The following SCEL variants were observed in gnomAD, a reference collection of about 807,000 sequenced individuals.
SCEL encodes sciellin.
SCEL carries 113 observed loss-of-function variants against 117.6 expected under a neutral mutation model. The ratio of observed to expected loss-of-function variants is 0.96; its 90% confidence interval spans 0.83 to 1.12. SCEL has a LOEUF of 1.12. SCEL is among the 50% of genes most tolerant of loss of function. The pLI is 0.00. For missense variants in SCEL, 785 were observed against 810.8 expected, an observed-to-expected ratio of 0.97 and a Z score of 0.39; for synonymous variants, 270 against 256.2, an observed-to-expected ratio of 1.05 and a Z score of -0.51.
At chr13:77,591,292 A>G (rs2086852184) in intron 10 of SCEL, 103 bp from the exon 11 acceptor site, 1 of 771,570 alleles carries the variant, frequency 1.3e-6, no homozygotes, top group Admixed American at 2.4e-5. Flanking sequence ...TGGTTCCAAC[A>G]AACACTGATC....
At chr13:77,624,204 C>G (rs2089597329) in intron 27 of SCEL, among the ~76,000 whole-genome samples, 1 of 149,446 alleles carries the variant, frequency 6.7e-6, no homozygotes, top group African/African-American at 2.5e-5. Flanking sequence ...TCCCCCAGTT[C>G]ACACAATTCT....
chr13:77,588,899 T>C (rs949562196), intron 9 of SCEL, among the ~76,000 whole-genome samples: 2 of 152,238 alleles, frequency 1.3e-5, no homozygotes, highest in African/African-American at 4.8e-5. Flanking sequence ...TAGTCCAAAC[T>C]ATAGTGAAAG....
intron 1 of SCEL, among the ~76,000 whole-genome samples, chr13:77,553,633 C>T (rs1414231319): frequency 6.6e-6 from 1 of 152,118 alleles, no homozygotes; most frequent in South Asian, 2.1e-4. Flanking sequence ...CCTGACACTC[C>T]CGGTGTGCTC....
chr13:77,571,011 T>C (rs1658076863), intron 8 of SCEL, among the ~76,000 whole-genome samples: 2 of 151,614 alleles, frequency 1.3e-5, no homozygotes, highest in African/African-American at 4.8e-5. Context: ...TTTGTATTTT[T>C]AGTAGAGATG....
intron 1 of SCEL, among the ~76,000 whole-genome samples, chr13:77,555,387 T>C (rs2084595519): frequency 6.6e-6 from 1 of 152,206 alleles, no homozygotes; most frequent in African/African-American, 2.4e-5. Context: ...GTTTCCTGAG[T>C]TTGCTTTGGC....
rs192965963 is a variant in SCEL at position 77,596,144 on chromosome 13, C to A, written c.753-1401C>A. Among the ~76,000 whole-genome samples the A allele has an allele frequency of 5.0e-3, 759 of 152,210 alleles. 5 individuals carry two copies. Among genetic ancestry groups the A allele is most frequent in the African/African-American group, 0.016 (674 of 41,524 alleles). On this transcript the variant is annotated intron_variant, in intron 12 of 32. Transcript: ENST00000349847. ...GGTAAGGAGTTCAAGACCAGCTTGGCAAACATGGTGAAACCCCATCTCTAC... is the reference window on the plus strand; with the variant it reads ...GGTAAGGAGTTCAAGACCAGCTTGGAAAACATGGTGAAACCCCATCTCTAC...
intron 9 of SCEL, among the ~76,000 whole-genome samples, chr13:77,584,051 C>A (rs2086415927): frequency 6.6e-6 from 1 of 152,162 alleles, no homozygotes; most frequent in African/African-American, 2.4e-5. Context: ...TCCTGCAGGA[C>A]CCTTGAGGGG....
intron 15 of SCEL, 79 bp downstream of exon 15, chr13:77,599,827 T>TA: frequency 1.0e-6 from 1 of 997,722 alleles, no homozygotes; most frequent in Non-Finnish European, 1.6e-6. Flanking sequence ...TCCTGCTTAG[T>TA]ACAAGGGTCA....
At chr13:77,604,804 G>C (rs2088006767) in intron 19 of SCEL, among the ~76,000 whole-genome samples, 1 of 152,122 alleles carries the variant, frequency 6.6e-6, no homozygotes, top group Non-Finnish European at 1.5e-5. Flanking sequence ...GATGTAAGTA[G>C]TGTATGTGAG....
chr13:77,642,707 G>T lies in SCEL; in HGVS notation c.1949G>T (p.Cys650Phe), dbSNP rs763826526. The change falls in exon 32 of 33, where the codon TGT becomes TTT. Residue 650 changes from cysteine to phenylalanine, a missense_variant and splice_region_variant. Transcript: ENST00000349847. ...TTATATATGTATTTTTTTCTTTAGTGTGAAATATGCAAGCAGCCTTTGGAA... is the reference window on the plus strand; with the variant it reads ...TTATATATGTATTTTTTTCTTTAGTTTGAAATATGCAAGCAGCCTTTGGAA... The part of the protein sequence containing the change: ...QICCHSTCFK[C>F]EICKQPLENL... 4.7e-5 allele frequency: 74 copies of T among 1,559,456 alleles called. No individual in the cohort carries two copies. Among genetic ancestry groups the T allele is most frequent in the Non-Finnish European group, 6.1e-5 (70 of 1,141,888 alleles).
chr13:77,547,420 C>G (rs1358123015), intron 1 of SCEL, among the ~76,000 whole-genome samples: 5 of 152,074 alleles, frequency 3.3e-5, no homozygotes, highest in African/African-American at 1.2e-4. Flanking sequence ...CAGTAATTTA[C>G]TGGTTGACAA....
rs2088352098 is a variant in SCEL, at chr13:77,608,068, T to G, written c.1170T>G (p.Leu390=). Residue 390 remains leucine, a synonymous_variant, in exon 20 of 33, where the codon CTT becomes CTG. Coordinates refer to ENST00000349847, the MANE Select transcript of SCEL (RefSeq NM_144777.3). ...CAATGTTTTAAAGGGGCCAGAGCCT[T>G]GATAATCTCATCAAAGTGACCCCTG... ...TNKNITRGQS[L]DNLIKVTPEV... 1 of 1,613,232 alleles carries G rather than the reference T, an allele frequency of 6.2e-7. No individual in the cohort carries two copies. Among genetic ancestry groups the G allele is most frequent in the Non-Finnish European group, 8.5e-7 (1 of 1,179,514 alleles).
chr13:77,566,234 G>A (rs539970336), intron 5 of SCEL, among the ~76,000 whole-genome samples: 22 of 152,274 alleles, frequency 1.4e-4, no homozygotes, highest in African/African-American at 3.8e-4. Flanking sequence ...CCCAGTGAAC[G>A]ATTTGGGAGA....
chr13:77,612,220 T>G (rs993983547), intron 22 of SCEL, among the ~76,000 whole-genome samples: 1 of 152,104 alleles, frequency 6.6e-6, no homozygotes, highest in Non-Finnish European at 1.5e-5. Context: ...GGTGTTAGGG[T>G]TGGTATCATT....
intron 1 of SCEL, among the ~76,000 whole-genome samples, chr13:77,547,393 G>C (rs1032100651): frequency 7.2e-5 from 11 of 152,136 alleles, no homozygotes; most frequent in African/African-American, 2.7e-4. Flanking sequence ...TTTCACATAT[G>C]AGACTAATTA....
chr13:77,618,854 A>G (rs907067327), intron 27 of SCEL, among the ~76,000 whole-genome samples: 12 of 152,208 alleles, frequency 7.9e-5, no homozygotes, highest in Non-Finnish European at 1.5e-4. Context: ...AACATTGGAA[A>G]GAATATTCAT....
chr13:77,628,725 G>A (rs1215272077), intron 28 of SCEL, among the ~76,000 whole-genome samples: 1 of 152,122 alleles, frequency 6.6e-6, no homozygotes, highest in Admixed American at 6.5e-5. Flanking sequence ...GAAAAGAAAT[G>A]ATATTGTGAT....
chr13:77,542,129 G>A (rs682200), intron 1 of SCEL, among the ~76,000 whole-genome samples: 14,408 of 152,224 alleles, frequency 0.095, 1,367 homozygotes, highest in African/African-American at 0.24. Context: ...GTAAGAAAAA[G>A]AGCTGGTGAG....
rs2154402865 is a variant in SCEL at position 77,610,063 on chromosome 13, A to G, written c.1294A>G (p.Ser432Gly). The change falls in exon 22 of 33, where the codon AGC (serine) becomes GGC (glycine). Residue 432 changes from serine to glycine, a missense_variant. Physicochemically the swap from Ser to Gly is moderately conservative, Grantham distance 56 (BLOSUM62 0). Transcript: ENST00000349847. ...GTTTTTAAGGGGCCAAAGTCTCGAC[A>G]GCCTCATTAAAGTGACTCCTGAAAG... Reference protein sequence around the residue: ...KSTEGGQSLDSLIKVTPERNR... With the variant: ...KSTEGGQSLDGLIKVTPERNR... 6.2e-7 allele frequency: 1 copy of G among 1,610,488 alleles called. No individual in the cohort carries two copies. Among genetic ancestry groups the G allele is most frequent in the South Asian group, 1.1e-5 (1 of 90,504 alleles).
Sources: gnomAD v4.1 joint callset for allele counts (sites outside exome capture counted in the v4.1 genomes callset) on GRCh38, gnomAD v4.1.1 for gene constraint, MANE v1.5 for transcripts, NCBI Gene and HGNC (gene_info 2026-07-23, HGNC 2026-07-21) for gene names.